LINGO2: variants seen among roughly 807,000 people sequenced by gnomAD.
LINGO2 encodes leucine rich repeat and Ig domain containing 2.
LINGO2 carries 14 observed loss-of-function variants against 30.6 expected under a neutral mutation model. The observed-to-expected ratio is 0.46, with a 90% CI of 0.30 to 0.72. LINGO2 has a LOEUF of 0.72. Ranked by LOEUF, LINGO2 falls within the 30% of genes least tolerant of loss-of-function variation. The pLI is 0.07. For missense variants in LINGO2, 729 were observed against 751.7 expected, an observed-to-expected ratio of 0.97 and a Z score of 0.35; for synonymous variants, 317 against 288.5, an observed-to-expected ratio of 1.10 and a Z score of -1.00.
At chr9:28,242,555 A>G (rs1406717910) in intron 4 of LINGO2, among the ~76,000 whole-genome samples, 1 of 152,210 alleles carries the variant, frequency 6.6e-6, no homozygotes, top group Admixed American at 6.5e-5. Flanking sequence ...ACACTTCAGG[A>G]TATTATCCAG....
In LINGO2 at chr9:28,632,875, T is replaced by G. The variant is rs1267238061; in HGVS notation, c.-365+37325A>C. Among the ~76,000 whole-genome samples, 273 of 96,662 alleles carry G rather than the reference T, an allele frequency of 2.8e-3. 5 individuals carry two copies. The highest frequency in any genetic ancestry group is 7.5e-3 in the African/African-American group (175 of 23,456). The allele number at this position is 96,662 out of a possible 152,430, so 63.4% of individuals were successfully genotyped here. ...TATTTTTTATATATATATATATATA[T>G]ATATGTAGAGAGAGAGAGAGAGAGA... On this transcript the variant is annotated intron_variant, in intron 1 of 5. Coordinates refer to ENST00000379992, the Ensembl canonical transcript of LINGO2.
chr9:28,355,257 CTCTG>C (rs779925888), intron 3 of LINGO2, among the ~76,000 whole-genome samples: 26 of 7,684 alleles, frequency 3.4e-3, no homozygotes, highest in South Asian at 0.023. Context: ...CTCTCTCTGT[CTCTG>C]TCTCTCTCTC....
At chr9:28,538,993 G>A (rs1050535286) in intron 1 of LINGO2, among the ~76,000 whole-genome samples, 7 of 152,022 alleles carry the variant, frequency 4.6e-5, no homozygotes, top group African/African-American at 1.2e-4. Flanking sequence ...AAAAATGTAT[G>A]TGGATGGAAA....
chr9:28,448,611 A>G (rs1824522108), intron 2 of LINGO2, among the ~76,000 whole-genome samples: 1 of 152,104 alleles, frequency 6.6e-6, no homozygotes, highest in African/African-American at 2.4e-5. Flanking sequence ...GCAGATAAAT[A>G]CAATAGAAGT....
rs112143924 is a variant in LINGO2, at chr9:28,240,453, C to T, written c.-87+54755G>A. Reference sequence around the variant, plus strand: ...ACAAAAATATCCCGGACACATAGACCAATGGAACAGAGTAGAGAACCCAGA... The same window carrying T: ...ACAAAAATATCCCGGACACATAGACTAATGGAACAGAGTAGAGAACCCAGA... On this transcript the variant is annotated intron_variant, in intron 4 of 5. Transcript: ENST00000379992. Among the ~76,000 whole-genome samples the T allele has an allele frequency of 3.6e-3, 554 of 152,112 alleles. 1 individual carries two copies. The highest frequency in any genetic ancestry group is 0.013 in the African/African-American group (525 of 41,522).
intron 3 of LINGO2, among the ~76,000 whole-genome samples, chr9:28,307,110 G>T (rs559207531): frequency 6.6e-6 from 1 of 151,914 alleles, no homozygotes; most frequent in Admixed American, 6.6e-5. Context: ...ACCAAAGCCC[G>T]GCAGAGACAC....
chr9:28,686,499 C>G, the LINGO2 span, among the ~76,000 whole-genome samples: 1 of 152,072 alleles, frequency 6.6e-6, no homozygotes, highest in East Asian at 1.9e-4. Flanking sequence ...AAATTTGTAT[C>G]AATATTCAAA....
At chr9:28,836,292 C>A in the LINGO2 span, among the ~76,000 whole-genome samples, 1 of 152,126 alleles carries the variant, frequency 6.6e-6, no homozygotes, top group African/African-American at 2.4e-5. Flanking sequence ...AGGCACTGCA[C>A]CCTTTGGCAT....
chr9:29,189,542 G>A, the LINGO2 span, among the ~76,000 whole-genome samples: 1 of 151,694 alleles, frequency 6.6e-6, no homozygotes, highest in Non-Finnish European at 1.5e-5. Flanking sequence ...GGGAGGCCAG[G>A]CAGAGACGCT....
the LINGO2 span, among the ~76,000 whole-genome samples, chr9:28,985,702 CTTG>C: frequency 6.6e-6 from 1 of 151,908 alleles, no homozygotes; most frequent in Admixed American, 6.6e-5. Context: ...CCATTTTGTT[CTTG>C]TTGTTGTGTT....
chr9:28,071,572 T>A (rs1202098400), intron 4 of LINGO2, among the ~76,000 whole-genome samples: 1 of 151,522 alleles, frequency 6.6e-6, no homozygotes, highest in Non-Finnish European at 1.5e-5. Context: ...ACATTTATAA[T>A]CATACGAGAT....
intron 5 of LINGO2, among the ~76,000 whole-genome samples, chr9:27,958,192 C>A (rs186491565): frequency 1.3e-5 from 2 of 152,096 alleles, no homozygotes; most frequent in South Asian, 2.1e-4. Context: ...TTTTCTGTAT[C>A]TATGGAGATG....
At chr9:28,771,866 T>G in the LINGO2 span, among the ~76,000 whole-genome samples, 1 of 152,074 alleles carries the variant, frequency 6.6e-6, no homozygotes, top group South Asian at 2.1e-4. Context: ...TAAACATGAA[T>G]AGCTGGGCAA....
chr9:27,949,545 C>T, exon 6 of LINGO2: 1 of 1,614,048 alleles, frequency 6.2e-7, no homozygotes. Context: ...TTGCTGGCCA[C>T]CAAACTGCAG....
chr9:28,393,837 A>G (rs1033256635), intron 2 of LINGO2, among the ~76,000 whole-genome samples: 1 of 152,142 alleles, frequency 6.6e-6, no homozygotes, highest in South Asian at 2.1e-4. Flanking sequence ...CTCCCAAGCA[A>G]CCTTCAGCTA....
the LINGO2 span, among the ~76,000 whole-genome samples, chr9:29,060,984 T>C: frequency 8.1e-4 from 123 of 152,012 alleles, no homozygotes; most frequent in South Asian, 3.9e-3. Flanking sequence ...AAATAATGGC[T>C]GAAAACTACC....
At chr9:29,174,118 A>C in the LINGO2 span, among the ~76,000 whole-genome samples, 1 of 147,980 alleles carries the variant, frequency 6.8e-6, no homozygotes, top group South Asian at 2.1e-4. Flanking sequence ...GCTTTGTCTA[A>C]AAAAAAAAAA....
chr9:28,854,264 A>C, the LINGO2 span, among the ~76,000 whole-genome samples: 1 of 152,040 alleles, frequency 6.6e-6, no homozygotes, highest in African/African-American at 2.4e-5. Flanking sequence ...CATATTATTA[A>C]TATTAGTAAA....
intron 4 of LINGO2, among the ~76,000 whole-genome samples, chr9:28,051,656 A>T (rs1367264699): frequency 6.6e-6 from 1 of 152,066 alleles, no homozygotes; most frequent in Non-Finnish European, 1.5e-5. Context: ...TGAGATTTCA[A>T]ACCCTGCCTA....
Sources: gnomAD v4.1 joint callset for allele counts (sites outside exome capture counted in the v4.1 genomes callset) on GRCh38, gnomAD v4.1.1 for gene constraint, MANE v1.5 for transcripts, NCBI Gene and HGNC (gene_info 2026-07-23, HGNC 2026-07-21) for gene names.